Variants in WRN observed in about 807,000 individuals in gnomAD.
WRN encodes bifunctional 3'-5' exonuclease/ATP-dependent helicase WRN.
Under a neutral mutation model 180.7 loss-of-function variants are expected in WRN, and 149 were observed. That is an observed-to-expected ratio of 0.82 (90% CI 0.72 to 0.94). The LOEUF (loss-of-function observed/expected upper bound fraction) is 0.94. WRN is among the 40% of genes least tolerant of loss of function. The pLI, the probability that WRN is intolerant of heterozygous loss-of-function variation, is 0.00. For synonymous variants in WRN, 548 were observed against 568.9 expected (o/e 0.96, Z 0.52); for missense variants, 1,661 against 1,700.1 (o/e 0.98, Z 0.40).
intron 34 of WRN, among the ~76,000 whole-genome samples, chr8:31,169,556 A>G (rs1337598089): frequency 6.6e-6 from 1 of 152,136 alleles, no homozygotes; most frequent in Non-Finnish European, 1.5e-5. Context: ...TACCTAAGCA[A>G]GTCTTTCTGG....
chr8:31,067,435 G>A (rs1038189859), intron 6 of WRN, among the ~76,000 whole-genome samples: 1 of 152,092 alleles, frequency 6.6e-6, no homozygotes, highest in African/African-American at 2.4e-5. Context: ...TGTCTAATTT[G>A]TATGTTAAAA....
In WRN at chr8:31,067,150, G is replaced by A; in HGVS notation, c.622G>A (p.Asp208Asn). The A allele has an allele frequency of 6.2e-7, 1 of 1,613,830 alleles. No individual in the cohort carries two copies. Among genetic ancestry groups the A allele is most frequent in the East Asian group, 2.2e-5 (1 of 44,836 alleles). Reference sequence around the variant, plus strand: ...TTGGAGTAAATTTCCTCTCACTGAGGACCAGAAACTGTATGCAGCCACTGA... The same window carrying A: ...TTGGAGTAAATTTCCTCTCACTGAGAACCAGAAACTGTATGCAGCCACTGA... ...SNWSKFPLTE[D>N]QKLYAATDAY... The change falls in exon 6 of 35, where the codon GAC becomes AAC. Residue 208 changes from aspartate (D) to asparagine (N), a missense_variant. Asp to Asn is a conservative substitution (Grantham distance 23). Coordinates refer to ENST00000298139, the MANE Select transcript of WRN (RefSeq NM_000553.6).
chr8:31,160,388 G>C (rs1803564974), intron 33 of WRN, among the ~76,000 whole-genome samples: 1 of 152,224 alleles, frequency 6.6e-6, no homozygotes, highest in Non-Finnish European at 1.5e-5. Context: ...AGGTAGGGTA[G>C]AGAGGCATCT....
chr8:31,124,440 A>C (rs1801839203), intron 21 of WRN, 82 bp from the exon 22 acceptor site: 4 of 1,068,456 alleles, frequency 3.7e-6, no homozygotes. Context: ...ATGAAAAATA[A>C]ACAGTAAAAA....
chr8:31,150,138 A>C lies in WRN; in HGVS notation c.3573-203A>C, dbSNP rs557230762. On this transcript the variant is annotated intron_variant, in intron 30 of 34. Transcript: ENST00000298139. ...GTGTTTTTGTGGTGATGGGGGCAAG[A>C]CAAATCTTTAAATGGTGGAAAGCAA... Among the ~76,000 whole-genome samples the C allele has an allele frequency of 2.6e-5, 4 of 152,368 alleles. No individual in the cohort carries two copies. In the East Asian group the frequency reaches 7.7e-4, roughly 29 times the overall value.
At chr8:31,037,080 T>C (rs1287165066) in intron 1 of WRN, among the ~76,000 whole-genome samples, 1 of 152,208 alleles carries the variant, frequency 6.6e-6, no homozygotes, top group Non-Finnish European at 1.5e-5. Flanking sequence ...CATTGTAATA[T>C]ATAGTGAAAT....
chr8:31,171,190 C>CA (rs1423266355), intron 34 of WRN: 3 of 152,268 alleles, frequency 2.0e-5, no homozygotes, highest in African/African-American at 7.2e-5. Flanking sequence ...TATTAGGCTA[C>CA]AACATGACTT....
intron 5 of WRN, among the ~76,000 whole-genome samples, chr8:31,065,761 A>G (rs1404582706): frequency 6.6e-6 from 1 of 152,048 alleles, no homozygotes; most frequent in Admixed American, 6.5e-5. Context: ...ATACCCAGTA[A>G]TGGGATTGCT....
chr8:31,111,887 C>T (rs1801335001), intron 19 of WRN, 88 bp downstream of exon 19: 1 of 1,451,866 alleles, frequency 6.9e-7, no homozygotes, highest in African/African-American at 1.4e-5. Context: ...TTACGATTTC[C>T]TTCTAATGCA....
intron 32 of WRN, 26 bp downstream of exon 32, chr8:31,154,781 G>A: frequency 1.2e-6 from 2 of 1,612,250 alleles, no homozygotes; most frequent in South Asian, 1.1e-5. Context: ...ATGTTACAGG[G>A]AATTTTTTTA....
intron 1 of WRN, among the ~76,000 whole-genome samples, chr8:31,048,360 TCTCTGTTTTC>T (rs1811948740): frequency 6.6e-6 from 1 of 152,204 alleles, no homozygotes; most frequent in Admixed American, 6.5e-5. Flanking sequence ...CTTTGGTTTT[TCTCTGTTTTC>T]CTCTACCCCT....
intron 1 of WRN, among the ~76,000 whole-genome samples, chr8:31,050,477 C>T (rs1260540435): frequency 6.6e-6 from 1 of 151,280 alleles, no homozygotes; most frequent in African/African-American, 2.4e-5. Flanking sequence ...AAATGACATA[C>T]TGCCCTCTCT....
Position 31,096,754 on chromosome 8 carries a change from G to C in WRN, c.1899-14G>C. 2.3e-6 allele frequency: 3 copies of C among 1,327,742 alleles called. No individual in the cohort carries two copies. The highest frequency in any genetic ancestry group is 3.0e-6 in the Non-Finnish European group (3 of 1,005,706). 82.2% of individuals were successfully genotyped at this position (1,327,742 alleles called of 1,614,324 possible). On this transcript the variant is annotated splice_polypyrimidine_tract_variant and intron_variant, in intron 16 of 34. Coordinates refer to ENST00000298139, the MANE Select transcript of WRN (RefSeq NM_000553.6). ...TTTTTTTTTTTTTCTTTTTTCTTTT[G>C]TTTGTTTTTACAGAGGTAAATACCG...
At chr8:31,111,510 G>A (rs991434051) in intron 18 of WRN, 105 bp from the exon 19 acceptor site, 7 of 1,379,488 alleles carry the variant, frequency 5.1e-6, no homozygotes, top group Non-Finnish European at 6.1e-6. Flanking sequence ...CTTTAACATT[G>A]TACCACAAAC....
At chr8:31,100,744 C>A in intron 17 of WRN, 105 bp from the exon 18 acceptor site, 1 of 961,592 alleles carries the variant, frequency 1.0e-6, no homozygotes, top group South Asian at 1.5e-5. Context: ...TTATAGGAAC[C>A]AAATACTTTG....
At chr8:31,078,642 G>T (rs1813185797) in intron 8 of WRN, among the ~76,000 whole-genome samples, 1 of 152,220 alleles carries the variant, frequency 6.6e-6, no homozygotes, top group Non-Finnish European at 1.5e-5. Flanking sequence ...TTATGCTTCA[G>T]TGGACTCTGA....
At chr8:31,137,819 G>GA (rs896591078) in intron 24 of WRN, among the ~76,000 whole-genome samples, 2 of 151,792 alleles carry the variant, frequency 1.3e-5, no homozygotes, top group South Asian at 4.1e-4. Context: ...GGTATAATAA[G>GA]AAAAAATTAG....
chr8:31,119,531 C>T (rs1210225078), intron 20 of WRN, among the ~76,000 whole-genome samples: 2 of 151,892 alleles, frequency 1.3e-5, no homozygotes, highest in African/African-American at 4.8e-5. Context: ...GTATTTCTAA[C>T]CCCCTTTCCT....
intron 23 of WRN, among the ~76,000 whole-genome samples, chr8:31,126,522 A>G (rs555237585): frequency 7.9e-5 from 12 of 152,316 alleles, no homozygotes; most frequent in Non-Finnish European, 1.5e-4. Flanking sequence ...TTAAATACCT[A>G]TGTAATAAAA....
Sources: allele counts gnomAD v4.1 joint callset (sites outside exome capture counted in the v4.1 genomes callset), GRCh38; gene constraint gnomAD v4.1.1; transcripts MANE v1.5; gene names NCBI Gene and HGNC (gene_info 2026-07-23, HGNC 2026-07-21).